PDGFB: variants seen among roughly 807,000 people sequenced by gnomAD.
The protein encoded by PDGFB is platelet derived growth factor subunit B, also known as platelet-derived growth factor subunit B.
PDGFB carries 6 observed loss-of-function variants against 29.0 expected under a neutral mutation model. The ratio of observed to expected loss-of-function variants is 0.21; its 90% CI spans 0.11 to 0.41. The LOEUF (loss-of-function observed/expected upper bound fraction) is 0.41. Among genes scored for constraint, PDGFB ranks in the 10% least tolerant of loss-of-function variants. The pLI, the probability that PDGFB is intolerant of heterozygous loss-of-function variation, is 1.00. For missense variants in PDGFB, 299 were observed against 341.8 expected (o/e 0.87, Z 0.99); for synonymous variants, 144 against 140.8 (o/e 1.02, Z -0.16).
intron 1 of PDGFB, among the ~76,000 whole-genome samples, chr22:39,239,622 G>A (rs1422445767): frequency 6.6e-6 from 1 of 152,172 alleles, no homozygotes; most frequent in Non-Finnish European, 1.5e-5. Flanking sequence ...TGAAGAAGCT[G>A]TCCCAAGATC....
intron 1 of PDGFB, chr22:39,240,920 C>T (rs747783950): frequency 4.8e-6 from 6 of 1,260,072 alleles, no homozygotes; most frequent in Non-Finnish European, 5.5e-6. Context: ...CTCTCAGATG[C>T]GCACACACAC....
At chr22:39,232,681 G>A (rs1932339025) in intron 3 of PDGFB, among the ~76,000 whole-genome samples, 2 of 152,106 alleles carry the variant, frequency 1.3e-5, no homozygotes, top group Non-Finnish European at 2.9e-5. Flanking sequence ...ATAGAGACAG[G>A]GTTTCACCAT....
chr22:39,238,139 CAT>C (rs1248501135), intron 1 of PDGFB, among the ~76,000 whole-genome samples: 1 of 152,204 alleles, frequency 6.6e-6, no homozygotes, highest in Non-Finnish European at 1.5e-5. Context: ...GCCCACGACA[CAT>C]AGGAGATGCC....
Position 39,244,909 on chromosome 22 carries a change from G to T in PDGFB, c.-946C>A, listed in dbSNP as rs113142506. Among the ~76,000 whole-genome samples the T allele has an allele frequency of 1.3e-5, 2 of 151,962 alleles. No individual in the cohort carries two copies. Among genetic ancestry groups the T allele is most frequent in the East Asian group, 3.9e-4 (2 of 5,176 alleles). On this transcript the variant is annotated 5_prime_UTR_variant, in exon 1 of 7. Transcript: ENST00000331163. This position sits in a 1 kb window ranked among gnomAD's most constrained non-coding sequence, Gnocchi z 4.5. The stretch of plus-strand genomic sequence containing the variant: ...GCTGGCGGCCGGAGGGGAGCCCTAG[G>T]GAGGCAGCGGGGGAGGCTGCGGGTG...
Position 39,244,719 on chromosome 22 carries a change from T to TCTGCGGG in PDGFB, c.-763_-757dup, listed in dbSNP as rs1195054946. Reference sequence around the variant, plus strand: ...CGCCCGCTCGCCGCTCTGGGCGTCCTCTGCGGGCTGCGGGCTGCGAGCTGC... The same window carrying TCTGCGGG: ...CGCCCGCTCGCCGCTCTGGGCGTCCTCTGCGGGCTGCGGGCTGCGGGCTGCGAGCTGC... On this transcript the variant is annotated 5_prime_UTR_variant, in exon 1 of 7. Transcript: ENST00000331163. This position sits in a 1 kb window ranked among gnomAD's most constrained non-coding sequence, Gnocchi z 4.5. 1.3e-4 allele frequency: 24 copies of TCTGCGGG among 180,876 alleles called. No individual in the cohort carries two copies. Among genetic ancestry groups the TCTGCGGG allele is most frequent in the African/African-American group, 3.6e-4 (14 of 39,300 alleles). 11.2% of individuals were successfully genotyped at this position (180,876 alleles called of 1,614,324 possible). A position where few individuals can be genotyped will look rare whatever the true frequency, so the allele number is the denominator to read the frequency against.
At position 39,243,823 on chromosome 22, in the gene PDGFB, G is replaced by C. The variant is rs1601604306; in HGVS notation, c.63+78C>G. 16 of 1,200,614 alleles carry C rather than the reference G, an allele frequency of 1.3e-5. No individual in the cohort carries two copies. The highest frequency in any genetic ancestry group is 1.8e-5 in the Non-Finnish European group (15 of 838,190). 74.4% of individuals were successfully genotyped at this position (1,200,614 alleles called of 1,614,324 possible). A position where few individuals can be genotyped will look rare whatever the true frequency, so the allele number is the denominator to read the frequency against. On this transcript the variant is annotated intron_variant, in intron 1 of 6. Coordinates refer to ENST00000331163, the MANE Select transcript of PDGFB (RefSeq NM_002608.4). This position sits in a 1 kb window ranked among gnomAD's most constrained non-coding sequence, Gnocchi z 6.4. ...CTGCAAGGGTCCAAAGTTCACTGCA[G>C]GGAGAGGAGGGGGCGGTCAGAAGGG...
At position 39,244,207 on chromosome 22, in the gene PDGFB, C is replaced by G. The variant is rs1171932191; in HGVS notation, c.-244G>C. On this transcript the variant is annotated 5_prime_UTR_variant, in exon 1 of 7. Transcript: ENST00000331163. This position sits in a 1 kb window ranked among gnomAD's most constrained non-coding sequence, Gnocchi z 4.5. The stretch of plus-strand genomic sequence containing the variant: ...CAGGACCTGGGTCCGAGGCCGCTAC[C>G]TGGGCGGATCCCGAGCCCGAGTGAG... 7.5e-6 allele frequency: 2 copies of G among 265,102 alleles called. No individual in the cohort carries two copies. The highest frequency in any genetic ancestry group is 4.5e-5 in the African/African-American group (2 of 44,936). 16.4% of individuals were successfully genotyped at this position (265,102 alleles called of 1,614,324 possible). A position where few individuals can be genotyped will look rare whatever the true frequency, so the allele number is the denominator to read the frequency against.
Position 39,242,670 on chromosome 22 carries a change from C to T in PDGFB, c.63+1231G>A, listed in dbSNP as rs1008610380. 6.6e-6 allele frequency among the ~76,000 whole-genome samples: 1 copy of T among 151,860 alleles called. No homozygotes were observed. The highest frequency in any genetic ancestry group is 2.4e-5 in the African/African-American group (1 of 41,370). On this transcript the variant is annotated intron_variant, in intron 1 of 6. Transcript: ENST00000331163. This position sits in a 1 kb window ranked among gnomAD's most constrained non-coding sequence, Gnocchi z 5.7. ...GCTCCTCCGTGGTCAAAACAACCTG[C>T]GCTGGCGGCAGCCCAAGGCCGGGCC...
intron 1 of PDGFB, among the ~76,000 whole-genome samples, chr22:39,241,310 C>A (rs1601603118): frequency 6.6e-6 from 1 of 152,336 alleles, no homozygotes; most frequent in Middle Eastern, 3.4e-3. Flanking sequence ...TCCAAGGCCA[C>A]CTCCACCAGC....
intron 1 of PDGFB, among the ~76,000 whole-genome samples, chr22:39,241,781 G>C (rs762294476): frequency 6.6e-6 from 1 of 152,154 alleles, no homozygotes; most frequent in Non-Finnish European, 1.5e-5. Flanking sequence ...CTTATGTGAA[G>C]GGGGAATCGC....
At chr22:39,227,342 C>T (rs1030014719) in intron 5 of PDGFB, among the ~76,000 whole-genome samples, 11 of 152,260 alleles carry the variant, frequency 7.2e-5, no homozygotes, top group Non-Finnish European at 1.5e-4. Context: ...GATCCACCTG[C>T]CTTGGCCTCC....
chr22:39,231,796 G>T lies in PDGFB; in HGVS notation c.282C>A (p.Ile94=). The change falls in exon 4 of 7, where the codon ATC becomes ATA. Residue 94 remains isoleucine (I), a synonymous_variant. Transcript: ENST00000331163. This position sits in a 1 kb window ranked among gnomAD's most constrained non-coding sequence, Gnocchi z 4.3. ...GSLTIAEPAM[I]AECKTRTEVF... The stretch of plus-strand genomic sequence containing the variant: ...CCTCGGTGCGCGTCTTGCACTCGGC[G>T]ATCATGGCCGGCTCAGCAATGGTCA... The T allele has an allele frequency of 6.2e-7, 1 of 1,613,608 alleles. No homozygotes were observed. The highest frequency in any genetic ancestry group is 8.5e-7 in the Non-Finnish European group (1 of 1,179,938).
chr22:39,225,809 G>A lies in PDGFB; in HGVS notation c.640C>T (p.Arg214Ter), dbSNP rs1932152286. The A allele has an allele frequency of 3.1e-6, 5 of 1,613,846 alleles. No homozygotes were observed. The highest frequency in any genetic ancestry group is 1.3e-5 in the African/African-American group (1 of 74,940). Residue 214 changes from arginine to a stop codon, truncating the protein, a stop_gained, in exon 6 of 7, where the codon CGA becomes TGA. Transcript: ENST00000331163. LOFTEE classifies it high-confidence loss of function. ...TTGCCCTTGGGGGGCCGGCGGACTC[G>A]CACCGTCCGAATGGTCACCCGAGTT... Reference protein sequence around the residue: ...PQTRVTIRTVRVRRPPKGKHR... With the variant: ...PQTRVTIRTV
At position 39,233,556 on chromosome 22, in the gene PDGFB, G is replaced by A. The variant is rs144592525; in HGVS notation, c.161-32C>T. 118 of 1,523,018 alleles carry A rather than the reference G, an allele frequency of 7.7e-5. 1 individual carries two copies. In the East Asian group the frequency reaches 2.5e-3, roughly 32 times the overall value. 94.3% of individuals were successfully genotyped at this position (1,523,018 alleles called of 1,614,324 possible). On this transcript the variant is annotated intron_variant, in intron 2 of 6. Coordinates refer to ENST00000331163, the MANE Select transcript of PDGFB (RefSeq NM_002608.4). ...GAGAAGTCACAGTCAGACACCAGGC[G>A]GCCCCACCTTGGGCAGGGGCTCCCT... is the stretch of plus-strand genomic sequence containing the variant.
At chr22:39,240,788 G>T in intron 1 of PDGFB, 3 of 1,555,570 alleles carry the variant, frequency 1.9e-6, no homozygotes, top group Non-Finnish European at 2.7e-6. Context: ...CAGAACATAG[G>T]AAGAGTTGTC....
intron 2 of PDGFB, among the ~76,000 whole-genome samples, chr22:39,234,011 A>C: frequency 1.9e-5 from 1 of 51,462 alleles, no homozygotes; most frequent in Admixed American, 3.4e-4. Flanking sequence ...GGCGGGAGCC[A>C]CGGAGGGAGG....
rs376519845 is a variant in PDGFB at position 39,233,420 on chromosome 22, G to A, written c.250+15C>T. Reference sequence around the variant, plus strand: ...TGCTAATTTGAAGGACCCTTGTTGGGTGTCTCAGTCTTACCCAGGCTCCTT... The same window carrying A: ...TGCTAATTTGAAGGACCCTTGTTGGATGTCTCAGTCTTACCCAGGCTCCTT... On this transcript the variant is annotated intron_variant, in intron 3 of 6. Coordinates refer to ENST00000331163, the MANE Select transcript of PDGFB (RefSeq NM_002608.4). 3.8e-6 allele frequency: 6 copies of A among 1,579,234 alleles called. No homozygotes were observed. The highest frequency in any genetic ancestry group is 1.1e-5 in the South Asian group (1 of 87,206).
intron 5 of PDGFB, among the ~76,000 whole-genome samples, chr22:39,228,753 G>C (rs1463254642): frequency 6.6e-6 from 1 of 152,004 alleles, no homozygotes. Flanking sequence ...GCCGGGTGTA[G>C]TGGCATGTGT....
chr22:39,228,675 G>A (rs532088285), intron 5 of PDGFB, among the ~76,000 whole-genome samples: 79 of 152,194 alleles, frequency 5.2e-4, no homozygotes, highest in African/African-American at 1.9e-3. Flanking sequence ...GATCACTTGA[G>A]GTCAGGAGTT....
Sources: allele counts gnomAD v4.1 joint callset (sites outside exome capture counted in the v4.1 genomes callset), GRCh38; gene constraint gnomAD v4.1.1; non-coding constraint Gnocchi (gnomAD v3.1); transcripts MANE v1.5; gene names NCBI Gene and HGNC (gene_info 2026-07-23, HGNC 2026-07-21).